PIK3AP1: variants seen among roughly 807,000 people sequenced by gnomAD.
The protein encoded by PIK3AP1 is phosphoinositide-3-kinase adaptor protein 1.
PIK3AP1 carries 21 observed loss-of-function variants against 88.1 expected under a neutral mutation model. The ratio of observed to expected loss-of-function variants is 0.24; its 90% CI spans 0.17 to 0.34. PIK3AP1 has a LOEUF of 0.34. PIK3AP1 is among the 10% of genes least tolerant of loss of function. PIK3AP1 has a pLI of 1.00. For synonymous variants in PIK3AP1, 398 were observed against 400.0 expected (o/e 1.00, Z 0.06); for missense variants, 828 against 1,035.7 (o/e 0.80, Z 2.75).
At chr10:96,656,657 G>C in intron 3 of PIK3AP1, 141 bp downstream of exon 3, 3 of 1,215,670 alleles carry the variant, frequency 2.5e-6, no homozygotes, top group Non-Finnish European at 3.5e-6. Flanking sequence ...GGGTAACAGG[G>C]TACTCAAAAG....
chr10:96,685,277 A>T (rs1468619632), intron 2 of PIK3AP1, among the ~76,000 whole-genome samples: 1 of 152,198 alleles, frequency 6.6e-6, no homozygotes, highest in East Asian at 1.9e-4. Flanking sequence ...AGATGCACAA[A>T]CCCATCGCTG....
chr10:96,620,337 T>C lies in PIK3AP1; in HGVS notation c.1941+15A>G. The C allele has an allele frequency of 6.2e-7, 1 of 1,612,962 alleles. No individual in the cohort carries two copies. Among genetic ancestry groups the C allele is most frequent in the Non-Finnish European group, 8.5e-7 (1 of 1,179,108 alleles). ...GGAAATAGACATGAAACAAATTCCA[T>C]ACGAAGCTAGTTACCTGCTGGAAAC... On this transcript the variant is annotated intron_variant, in intron 12 of 16. Coordinates refer to ENST00000339364, the MANE Select transcript of PIK3AP1 (RefSeq NM_152309.3).
intron 13 of PIK3AP1, 112 bp from the exon 14 acceptor site, chr10:96,609,979 G>T: frequency 7.5e-7 from 1 of 1,338,864 alleles, no homozygotes; most frequent in Non-Finnish European, 1.1e-6. Flanking sequence ...CATGGGAAGG[G>T]GAAGGGGAAG....
At chr10:96,665,402 T>G (rs1324231968) in intron 2 of PIK3AP1, among the ~76,000 whole-genome samples, 1 of 152,200 alleles carries the variant, frequency 6.6e-6, no homozygotes, top group Non-Finnish European at 1.5e-5. Context: ...GGTGACAAAT[T>G]TGGTTCTTAG....
intron 1 of PIK3AP1, among the ~76,000 whole-genome samples, chr10:96,716,706 C>T (rs555341512): frequency 6.6e-6 from 1 of 152,300 alleles, no homozygotes; most frequent in Non-Finnish European, 1.5e-5. Context: ...GTAGCTTTTC[C>T]ACTTATCCTC....
chr10:96,602,407 A>C lies in PIK3AP1; in HGVS notation c.2242-9T>G. On this transcript the variant is annotated splice_polypyrimidine_tract_variant and intron_variant, in intron 15 of 16. Transcript: ENST00000339364. ...TCAGGGACTTCATTATCCTACAGCA[A>C]AGAAGATGAGAAAGAAAGGCGAAAA... 1 of 1,605,026 alleles carries C rather than the reference A, an allele frequency of 6.2e-7. No individual in the cohort carries two copies. The highest frequency in any genetic ancestry group is 8.5e-7 in the Non-Finnish European group (1 of 1,172,380).
At chr10:96,609,674 G>T in intron 14 of PIK3AP1, 38 bp downstream of exon 14, 1 of 1,602,212 alleles carries the variant, frequency 6.2e-7, no homozygotes, top group Non-Finnish European at 8.5e-7. Flanking sequence ...CTGGAGCCCA[G>T]TCAAGAAGAC....
chr10:96,655,844 T>A (rs1843607289), intron 3 of PIK3AP1, among the ~76,000 whole-genome samples: 1 of 152,204 alleles, frequency 6.6e-6, no homozygotes, highest in African/African-American at 2.4e-5. Context: ...GAACAGTAAG[T>A]CCAATTAAAT....
intron 8 of PIK3AP1, among the ~76,000 whole-genome samples, chr10:96,636,892 G>A (rs1015181929): frequency 1.3e-5 from 2 of 152,120 alleles, no homozygotes; most frequent in Non-Finnish European, 2.9e-5. Context: ...TGAATCAACA[G>A]CAATAGTGAA....
chr10:96,702,644 ACAC>A (rs1396461872), intron 2 of PIK3AP1, among the ~76,000 whole-genome samples: 1 of 151,796 alleles, frequency 6.6e-6, no homozygotes, highest in Non-Finnish European at 1.5e-5. Context: ...ACACACACAC[ACAC>A]AATGGTAACT....
At chr10:96,645,061 A>G (rs1490428657) in intron 8 of PIK3AP1, among the ~76,000 whole-genome samples, 1 of 152,068 alleles carries the variant, frequency 6.6e-6, no homozygotes, top group Admixed American at 6.6e-5. Context: ...TCTCTTTCCT[A>G]TTTCAATTAG....
At chr10:96,632,793 A>G in intron 8 of PIK3AP1, 2 of 1,486,762 alleles carry the variant, frequency 1.3e-6, no homozygotes, top group Non-Finnish European at 1.8e-6. Context: ...CATAGGTTCC[A>G]ATTGTGTTTT....
chr10:96,644,199 G>A (rs1843428907), intron 8 of PIK3AP1, among the ~76,000 whole-genome samples: 1 of 152,188 alleles, frequency 6.6e-6, no homozygotes, highest in Admixed American at 6.5e-5. Context: ...GGAAAAGGGG[G>A]AAGGACCCTA....
In PIK3AP1 at chr10:96,617,151, T is replaced by C. The variant is rs565505174; in HGVS notation, c.1942-440A>G. Among the ~76,000 whole-genome samples the C allele has an allele frequency of 2.0e-5, 3 of 152,318 alleles. No individual in the cohort carries two copies. In the South Asian group the frequency reaches 6.2e-4, roughly 32 times the overall value. ...CCCAGATATGCCAACCATCCAGCACTTGGGCTATGCTGCTCCATCATGTGT... is the reference window on the plus strand; with the variant it reads ...CCCAGATATGCCAACCATCCAGCACCTGGGCTATGCTGCTCCATCATGTGT... On this transcript the variant is annotated intron_variant, in intron 12 of 16. Coordinates refer to ENST00000339364, the MANE Select transcript of PIK3AP1 (RefSeq NM_152309.3).
chr10:96,646,814 G>A (rs983457181), intron 7 of PIK3AP1, among the ~76,000 whole-genome samples: 2 of 152,144 alleles, frequency 1.3e-5, no homozygotes, highest in South Asian at 4.1e-4. Context: ...AGCCAGAGAG[G>A]TGACTTCCCT....
At chr10:96,626,964 G>T (rs981062217) in intron 9 of PIK3AP1, 59 bp from the exon 10 acceptor site, 2 of 1,496,750 alleles carry the variant, frequency 1.3e-6, no homozygotes, top group East Asian at 2.3e-5. Flanking sequence ...GTGATCATCA[G>T]TCATAAAGCA....
chr10:96,595,351 T>C lies in PIK3AP1; in HGVS notation c.*226A>G. On this transcript the variant is annotated 3_prime_UTR_variant, in exon 17 of 17. Transcript: ENST00000339364. ...TCCTTTTGGCAAACAAGTATATGGT[T>C]CGATATACTTGGTGATGGTGAATGA... is the stretch of plus-strand genomic sequence containing the variant. 1.8e-6 allele frequency: 1 copy of C among 561,076 alleles called. No individual in the cohort carries two copies. The highest frequency in any genetic ancestry group is 3.2e-6 in the Non-Finnish European group (1 of 313,434). 34.8% of individuals were successfully genotyped at this position (561,076 alleles called of 1,614,324 possible). A position where few individuals can be genotyped will look rare whatever the true frequency, so the allele number is the denominator to read the frequency against.
chr10:96,610,648 G>T (rs1189841265), intron 13 of PIK3AP1, among the ~76,000 whole-genome samples: 1 of 152,156 alleles, frequency 6.6e-6, no homozygotes, highest in East Asian at 1.9e-4. Flanking sequence ...AGGCCCCTGG[G>T]GTAAAGAGAG....
At chr10:96,716,042 AG>A (rs1322444378) in intron 1 of PIK3AP1, among the ~76,000 whole-genome samples, 10 of 152,188 alleles carry the variant, frequency 6.6e-5, no homozygotes, top group African/African-American at 2.4e-4. Flanking sequence ...GCACTTTGGG[AG>A]GCCAATGCAG....
Sources: gnomAD v4.1 joint callset for allele counts (sites outside exome capture counted in the v4.1 genomes callset) on GRCh38, gnomAD v4.1.1 for gene constraint, MANE v1.5 for transcripts, NCBI Gene and HGNC (gene_info 2026-07-23, HGNC 2026-07-21) for gene names.